Variants in L3HYPDH observed in about 807,000 individuals in gnomAD.
The protein encoded by L3HYPDH is trans-3-hydroxy-L-proline dehydratase.
Under a neutral mutation model 26.5 loss-of-function variants are expected in L3HYPDH, and 32 were observed. The observed-to-expected ratio is 1.21, with a 90% CI of 0.91 to 1.62. The LOEUF is 1.62. Among genes scored for constraint, L3HYPDH ranks in the 40% most tolerant of loss-of-function variants. The pLI, the probability that L3HYPDH is intolerant of heterozygous loss-of-function variation, is 0.00. For synonymous variants in L3HYPDH, 215 were observed against 196.6 expected, an observed-to-expected ratio of 1.09 and a Z score of -0.78; for missense variants, 554 against 476.4, an observed-to-expected ratio of 1.16 and a Z score of -1.52.
upstream of L3HYPDH, chr14:59,484,849 C>T (rs369626745): frequency 3.7e-6 from 4 of 1,075,194 alleles, no homozygotes; most frequent in African/African-American, 3.2e-5. Flanking sequence ...AATGTCTCTT[C>T]AGTCCCTTAG....
the L3HYPDH span, among the ~76,000 whole-genome samples, chr14:59,503,391 C>T: frequency 6.6e-6 from 1 of 152,168 alleles, no homozygotes; most frequent in Non-Finnish European, 1.5e-5. Flanking sequence ...TGTGTCATTT[C>T]TGCCCCCTTA....
At chr14:59,469,261 A>G (rs144767429), downstream of L3HYPDH, among the ~76,000 whole-genome samples, 161 of 152,240 alleles carry the variant, frequency 1.1e-3, no homozygotes, top group South Asian at 3.9e-3. Flanking sequence ...TGCTGTTGAT[A>G]AAAGAAGGGG....
chr14:59,475,994 G>T lies in L3HYPDH; in HGVS notation c.814C>A (p.Pro272Thr). ...VFADEQVDRSPTGSGVTARIA... is the reference protein window; with the variant it reads ...VFADEQVDRSTTGSGVTARIA... ...CGGGCTGTCACTCCTGAGCCAGTGG[G>T]ACTTCTGTCAACCTGTTTCAGAATA... Residue 272 changes from proline (P) to threonine (T), a missense_variant, in exon 4 of 5, where the codon CCC (proline) becomes ACC (threonine). Physicochemically the swap from Pro to Thr is conservative, Grantham distance 38 (BLOSUM62 -1). Coordinates refer to ENST00000247194, the MANE Select transcript of L3HYPDH (RefSeq NM_144581.2). The T allele has an allele frequency of 1.2e-6, 2 of 1,613,956 alleles. No individual in the cohort carries two copies. The highest frequency in any genetic ancestry group is 1.7e-6 in the Non-Finnish European group (2 of 1,179,892).
chr14:59,468,186 C>G (rs1287637408), downstream of L3HYPDH, among the ~76,000 whole-genome samples: 1 of 152,336 alleles, frequency 6.6e-6, no homozygotes, highest in African/African-American at 2.4e-5. Flanking sequence ...CCAGTAGTTA[C>G]AGGCCAGCCT....
chr14:59,501,005 T>C, the L3HYPDH span: 5 of 537,196 alleles, frequency 9.3e-6, no homozygotes, highest in Non-Finnish European at 1.6e-5. Flanking sequence ...GGGCTGAAAC[T>C]ATTTACTATC....
At chr14:59,485,117 G>GT, upstream of L3HYPDH, 1 of 1,598,398 alleles carries the variant, frequency 6.3e-7, no homozygotes, top group Non-Finnish European at 8.5e-7. Flanking sequence ...GTTTTGCTTA[G>GT]TAAGTGATAG....
the L3HYPDH span, among the ~76,000 whole-genome samples, chr14:59,489,472 GTC>G: frequency 6.6e-6 from 1 of 152,190 alleles, no homozygotes; most frequent in South Asian, 2.1e-4. Context: ...GGCCTTCACT[GTC>G]TACATTTCTG....
upstream of L3HYPDH, chr14:59,484,914 G>A: frequency 6.9e-7 from 1 of 1,439,026 alleles, no homozygotes; most frequent in East Asian, 2.5e-5. Context: ...GAAAACGCGG[G>A]TGATAGTGCA....
chr14:59,483,376 G>T, intron 1 of L3HYPDH: 1 of 320,134 alleles, frequency 3.1e-6, no homozygotes, highest in Non-Finnish European at 4.7e-6. Flanking sequence ...GAGGAAAGGA[G>T]ACCAGGTTTA....
At chr14:59,503,738 T>C in the L3HYPDH span, 3 of 647,952 alleles carry the variant, frequency 4.6e-6, no homozygotes, top group African/African-American at 5.6e-5. Context: ...AGCTCAAACA[T>C]TTTATGATTC....
At chr14:59,492,579 C>T in the L3HYPDH span, among the ~76,000 whole-genome samples, 5 of 152,118 alleles carry the variant, frequency 3.3e-5, no homozygotes, top group East Asian at 3.9e-4. Context: ...TCTCCCCAGT[C>T]GAGATATAAT....
At chr14:59,475,184 A>C (rs1384244985) in intron 4 of L3HYPDH, 2 of 152,062 alleles carry the variant, frequency 1.3e-5, no homozygotes, top group Non-Finnish European at 2.9e-5. Flanking sequence ...CAAATAAAAC[A>C]CTATTATAAA....
chr14:59,472,924 T>C lies in L3HYPDH; in HGVS notation c.*41A>G, dbSNP rs1889363940. 1.3e-6 allele frequency: 2 copies of C among 1,536,038 alleles called. No individual in the cohort carries two copies. The highest frequency in any genetic ancestry group is 1.4e-5 in the African/African-American group (1 of 70,728). Reference sequence around the variant, plus strand: ...TAGAGAAAACAGTCCTTAAGGATAATGATTACTTTAAAAAGAAAGCCCTTA... The same window carrying C: ...TAGAGAAAACAGTCCTTAAGGATAACGATTACTTTAAAAAGAAAGCCCTTA... On this transcript the variant is annotated 3_prime_UTR_variant, in exon 5 of 5. Transcript: ENST00000247194.
At chr14:59,499,555 A>T in the L3HYPDH span, among the ~76,000 whole-genome samples, 1 of 152,218 alleles carries the variant, frequency 6.6e-6, no homozygotes, top group Non-Finnish European at 1.5e-5. Flanking sequence ...AGACAAATTC[A>T]CTGTTAAAAA....
At chr14:59,492,804 T>C in the L3HYPDH span, among the ~76,000 whole-genome samples, 2 of 151,240 alleles carry the variant, frequency 1.3e-5, no homozygotes, top group African/African-American at 4.9e-5. Flanking sequence ...GCTATTTTTT[T>C]TTTTTTTTTT....
downstream of L3HYPDH, among the ~76,000 whole-genome samples, chr14:59,467,607 C>T (rs1000114168): frequency 8.5e-5 from 13 of 152,154 alleles, no homozygotes; most frequent in African/African-American, 3.1e-4. Flanking sequence ...CCCTCGGCCC[C>T]ATCTCACTCA....
chr14:59,469,336 C>A (rs751551886), downstream of L3HYPDH, among the ~76,000 whole-genome samples: 103 of 151,888 alleles, frequency 6.8e-4, 1 homozygote, highest in African/African-American at 2.5e-3. Flanking sequence ...GGGTGAATCA[C>A]GAGATCAGGA....
the L3HYPDH span, chr14:59,501,127 T>C: frequency 2.0e-6 from 2 of 1,009,972 alleles, no homozygotes; most frequent in Non-Finnish European, 1.5e-6. Context: ...TATTTGAATT[T>C]ATTTGATGGT....
At chr14:59,470,909 C>T (rs1332196112), downstream of L3HYPDH, among the ~76,000 whole-genome samples, 3 of 126,304 alleles carry the variant, frequency 2.4e-5, no homozygotes, top group African/African-American at 9.3e-5. Flanking sequence ...ACAATTAGCA[C>T]ATTTAAATAC....
Sources: allele counts gnomAD v4.1 joint callset (sites outside exome capture counted in the v4.1 genomes callset), GRCh38; gene constraint gnomAD v4.1.1; transcripts MANE v1.5; gene names NCBI Gene and HGNC (gene_info 2026-07-23, HGNC 2026-07-21).